LTBP1: variants seen among roughly 807,000 people sequenced by gnomAD.
LTBP1 encodes latent-transforming growth factor beta-binding protein 1.
LTBP1 carries 129 observed loss-of-function variants against 207.6 expected under a neutral mutation model. The ratio of observed to expected loss-of-function variants is 0.62; its 90% confidence interval spans 0.54 to 0.72. LTBP1 has a LOEUF of 0.72. LTBP1 is among the 30% of genes least tolerant of loss of function. LTBP1 has a pLI of 0.00. For synonymous variants in LTBP1, 963 were observed against 833.7 expected (o/e 1.16, Z -2.67); for missense variants, 2,281 against 2,217.2 (o/e 1.03, Z -0.58).
intron 5 of LTBP1, among the ~76,000 whole-genome samples, chr2:33,178,805 C>A (rs1319402019): frequency 6.6e-6 from 1 of 152,184 alleles, no homozygotes; most frequent in Non-Finnish European, 1.5e-5. Flanking sequence ...CTTGGTAGAT[C>A]CTGTGGAGGA....
chr2:33,393,995 G>A (rs2095338626), intron 32 of LTBP1, among the ~76,000 whole-genome samples: 1 of 150,568 alleles, frequency 6.6e-6, no homozygotes, highest in Non-Finnish European at 1.5e-5. Flanking sequence ...TAATTGGTGT[G>A]AGATGGTATC....
chr2:33,166,151 T>A lies in LTBP1; in HGVS notation c.1202-20705T>A, dbSNP rs143684392. ...GAGATCAATTTGGTAAATTTATTAG[T>A]TTATAAGAATTAGATAAGTGATTGT... is the stretch of plus-strand genomic sequence containing the variant. On this transcript the variant is annotated intron_variant, in intron 5 of 33. Coordinates refer to ENST00000404816, the MANE Select transcript of LTBP1 (RefSeq NM_206943.4). Among the ~76,000 whole-genome samples the A allele has an allele frequency of 7.4e-3, 1,127 of 152,140 alleles. 14 individuals carry two copies. Among genetic ancestry groups the A allele is most frequent in the Middle Eastern group, 0.038 (11 of 292 alleles).
chr2:33,157,264 A>G (rs1370942179), intron 5 of LTBP1, among the ~76,000 whole-genome samples: 3 of 152,224 alleles, frequency 2.0e-5, no homozygotes, highest in Non-Finnish European at 2.9e-5. Context: ...TAATGCACGG[A>G]TGAGGATTAA....
At chr2:33,333,549 T>C (rs2094521054) in intron 24 of LTBP1, among the ~76,000 whole-genome samples, 1 of 152,174 alleles carries the variant, frequency 6.6e-6, no homozygotes, top group Non-Finnish European at 1.5e-5. Context: ...TTGAACCCGA[T>C]GTAGGACATG....
chr2:33,050,154 C>CTTT (rs11318614), intron 3 of LTBP1, among the ~76,000 whole-genome samples: 1 of 126,274 alleles, frequency 7.9e-6, no homozygotes, highest in Non-Finnish European at 1.7e-5. Context: ...CTTTTCTTTT[C>CTTT]TTTTTTTTTT....
chr2:33,325,916 A>G (rs937131160), intron 24 of LTBP1, among the ~76,000 whole-genome samples: 1 of 152,262 alleles, frequency 6.6e-6, no homozygotes, highest in Middle Eastern at 3.4e-3. Flanking sequence ...TTTCTATAAC[A>G]AATTCAAACC....
In LTBP1 at chr2:33,347,408, G is replaced by A. The variant is rs2094718676; in HGVS notation, c.3898G>A (p.Ala1300Thr). The change falls in exon 26 of 34, where the codon GCC becomes ACC. Residue 1300 changes from alanine to threonine, a missense_variant. This residue lies in a region of LTBP1 where 1,671 missense variants were observed against 1,634.8 expected (regional missense o/e 1.02). Coordinates refer to ENST00000404816, the MANE Select transcript of LTBP1 (RefSeq NM_206943.4). ...ACTGCTCAGTGGGGTGTGTGGTGAAGCCTTCTGTGAAAACGTGGAAGGGTC... is the reference window on the plus strand; with the variant it reads ...ACTGCTCAGTGGGGTGTGTGGTGAAACCTTCTGTGAAAACGTGGAAGGGTC... Reference protein sequence around the residue: ...CELLSGVCGEAFCENVEGSFL... With the variant: ...CELLSGVCGETFCENVEGSFL... The A allele has an allele frequency of 6.2e-7, 1 of 1,614,202 alleles. No homozygotes were observed. The highest frequency in any genetic ancestry group is 8.5e-7 in the Non-Finnish European group (1 of 1,180,046).
chr2:33,347,536 G>A, intron 26 of LTBP1, 26 bp downstream of exon 26: 1 of 1,613,128 alleles, frequency 6.2e-7, no homozygotes, highest in Non-Finnish European at 8.5e-7. Flanking sequence ...ACTGTGCAAG[G>A]GAATGACAGG....
rs370909427 is a variant in LTBP1 at position 33,347,423 on chromosome 2, G to C, written c.3913G>C (p.Val1305Leu). Residue 1305 changes from valine (V) to leucine (L), a missense_variant, in exon 26 of 34, where the codon GTG becomes CTG. Transcript: ENST00000404816. ...GVCGEAFCEN[V>L]EGSFLCVCAD... ...GTGTGGTGAAGCCTTCTGTGAAAACGTGGAAGGGTCCTTCCTGTGCGTGTG... is the reference window on the plus strand; with the variant it reads ...GTGTGGTGAAGCCTTCTGTGAAAACCTGGAAGGGTCCTTCCTGTGCGTGTG... 5 of 1,614,060 alleles carry C rather than the reference G, an allele frequency of 3.1e-6. No homozygotes were observed. Among genetic ancestry groups the C allele is most frequent in the Non-Finnish European group, 4.2e-6 (5 of 1,180,050 alleles).
intron 5 of LTBP1, among the ~76,000 whole-genome samples, chr2:33,137,534 T>C (rs774991357): frequency 2.0e-5 from 3 of 152,188 alleles, no homozygotes; most frequent in African/African-American, 7.2e-5. Flanking sequence ...CAAGAATAGG[T>C]GTGGCTGTGT....
chr2:33,149,228 C>CAAAAAAAA lies in LTBP1; in HGVS notation c.1201+14288_1201+14295dup, dbSNP rs58303103. ...AGACTCCGTCTCACTCACAAAAAAA[C>CAAAAAAAA]AAAAAAAAAAAAAAAAAAAAAAAAA... is the stretch of plus-strand genomic sequence containing the variant. On this transcript the variant is annotated intron_variant, in intron 5 of 33. Transcript: ENST00000404816. Among the ~76,000 whole-genome samples the CAAAAAAAA allele has an allele frequency of 2.1e-3, 173 of 82,802 alleles. 12 individuals are homozygous for CAAAAAAAA. Among genetic ancestry groups the CAAAAAAAA allele is most frequent in the Middle Eastern group, 8.3e-3 (1 of 120 alleles). 54.3% of individuals were successfully genotyped at this position (82,802 alleles called of 152,430 possible).
chr2:32,976,197 C>A (rs1358679432), intron 2 of LTBP1, among the ~76,000 whole-genome samples: 3 of 152,124 alleles, frequency 2.0e-5, no homozygotes, highest in Non-Finnish European at 2.9e-5. Context: ...GGTATGGGGC[C>A]CCCAGCTTTG....
At chr2:33,021,852 G>A (rs2075189103) in intron 3 of LTBP1, among the ~76,000 whole-genome samples, 1 of 152,112 alleles carries the variant, frequency 6.6e-6, no homozygotes, top group African/African-American at 2.4e-5. Context: ...ACTCAGAGAA[G>A]AAAGATTACC....
intron 2 of LTBP1, among the ~76,000 whole-genome samples, chr2:33,018,188 C>T (rs1462514426): frequency 6.6e-6 from 1 of 151,378 alleles, no homozygotes; most frequent in African/African-American, 2.4e-5. Flanking sequence ...GTCTCCCCAC[C>T]CCCCTTACCC....
In LTBP1 at chr2:33,398,214, A is replaced by AT. The variant is rs1390364999; in HGVS notation, c.4985-150_4985-149insT. ...TAATCTGCCTCTTTAAGATCTCAAA[A>AT]AAGTCATCTTCGTCTTGTCTGTGAC... On this transcript the variant is annotated intron_variant, in intron 33 of 33. Coordinates refer to ENST00000404816, the MANE Select transcript of LTBP1 (RefSeq NM_206943.4). 1.3e-5 allele frequency: 8 copies of AT among 622,298 alleles called. No homozygotes were observed. The African/African-American group carries it at 1.3e-4, about 10-fold the overall frequency. 38.5% of individuals were successfully genotyped at this position (622,298 alleles called of 1,614,324 possible).
intron 19 of LTBP1, among the ~76,000 whole-genome samples, chr2:33,292,588 T>G (rs1324531166): frequency 6.6e-6 from 1 of 152,252 alleles, no homozygotes; most frequent in Non-Finnish European, 1.5e-5. Flanking sequence ...ATCTACCTCT[T>G]CAGCGTGTGC....
intron 2 of LTBP1, among the ~76,000 whole-genome samples, chr2:32,996,012 A>G (rs1337637166): frequency 6.6e-6 from 1 of 152,138 alleles, no homozygotes; most frequent in African/African-American, 2.4e-5. Context: ...TTGCTTTCCT[A>G]TACATATCGA....
intron 3 of LTBP1, among the ~76,000 whole-genome samples, chr2:33,087,627 C>G (rs1254069623): frequency 6.6e-6 from 1 of 152,126 alleles, no homozygotes; most frequent in African/African-American, 2.4e-5. Context: ...CTGTCCTGCC[C>G]CCAGCTTCAA....
Position 33,134,577 on chromosome 2 carries a change from A to C in LTBP1, c.1034-216A>C. ...GTGCATCCCAGAGTTCTGTTTGCTA[A>C]GCTTCCTACTCCTGTTTCAGAGACA... is the stretch of plus-strand genomic sequence containing the variant. On this transcript the variant is annotated intron_variant, in intron 4 of 33. Transcript: ENST00000404816. This position sits in a 1 kb window ranked among gnomAD's most constrained non-coding sequence, Gnocchi z 4.4. 12 of 1,537,078 alleles carry C rather than the reference A, an allele frequency of 7.8e-6. No homozygotes were observed. Among genetic ancestry groups the C allele is most frequent in the South Asian group, 3.6e-5 (3 of 82,808 alleles).
Sources: gnomAD v4.1 joint callset for allele counts (sites outside exome capture counted in the v4.1 genomes callset) on GRCh38, gnomAD v4.1.1 for gene constraint, gnomAD v4.1.1 regional missense constraint, Gnocchi (gnomAD v3.1) non-coding constraint, MANE v1.5 for transcripts, NCBI Gene and HGNC (gene_info 2026-07-23, HGNC 2026-07-21) for gene names.